GRIK1: variants seen among roughly 807,000 people sequenced by gnomAD.
GRIK1 encodes the protein glutamate receptor ionotropic, kainate 1.
GRIK1 carries 69 observed loss-of-function variants against 105.7 expected under a neutral mutation model. That is an observed-to-expected ratio of 0.65 (90% CI 0.54 to 0.80). The LOEUF (loss-of-function observed/expected upper bound fraction) is 0.80, where lower values mean the gene tolerates loss of function less well. Among genes scored for constraint, GRIK1 ranks in the 30% least tolerant of loss-of-function variants. The pLI is 0.00. For missense variants in GRIK1, 1,109 were observed against 1,167.3 expected, an observed-to-expected ratio of 0.95 and a Z score of 0.73; for synonymous variants, 438 against 431.3, an observed-to-expected ratio of 1.02 and a Z score of -0.19.
intron 1 of GRIK1, among the ~76,000 whole-genome samples, chr21:29,787,146 G>A (rs1428934959): frequency 5.9e-5 from 9 of 152,164 alleles, no homozygotes; most frequent in Admixed American, 4.6e-4. Flanking sequence ...AGGCAAATTC[G>A]CTGTTCAAAT....
At chr21:29,913,036 A>G (rs2070873227) in intron 1 of GRIK1, among the ~76,000 whole-genome samples, 1 of 152,130 alleles carries the variant, frequency 6.6e-6, no homozygotes, top group Non-Finnish European at 1.5e-5. Flanking sequence ...GGTGTTTAAT[A>G]AGATATTTTT....
In GRIK1 at chr21:29,766,328, G is replaced by T. The variant is rs115481354; in HGVS notation, c.119-72265C>A. On this transcript the variant is annotated intron_variant, in intron 1 of 17. Transcript: ENST00000327783. ...TTTGGCATTATCTGAAGACATTTTTGATTGTTACGATTGAGTAGGTGCTAC... is the reference window on the plus strand; with the variant it reads ...TTTGGCATTATCTGAAGACATTTTTTATTGTTACGATTGAGTAGGTGCTAC... 1.7e-3 allele frequency among the ~76,000 whole-genome samples: 263 copies of T among 152,254 alleles called. 1 individual carries two copies. Among genetic ancestry groups the T allele is most frequent in the African/African-American group, 6.3e-3 (260 of 41,536 alleles).
intron 1 of GRIK1, among the ~76,000 whole-genome samples, chr21:29,695,960 G>A (rs530007696): frequency 2.6e-5 from 4 of 152,158 alleles, no homozygotes; most frequent in East Asian, 1.9e-4. Context: ...CATCATGCGC[G>A]TCATTTATGT....
chr21:29,904,641 G>A (rs1305938484), intron 1 of GRIK1, among the ~76,000 whole-genome samples: 1 of 152,096 alleles, frequency 6.6e-6, no homozygotes, highest in Admixed American at 6.5e-5. Context: ...TCTTTTTATC[G>A]ATCAGCTGTT....
chr21:29,673,863 A>G (rs1190511764), intron 3 of GRIK1, among the ~76,000 whole-genome samples: 1 of 152,230 alleles, frequency 6.6e-6, no homozygotes, highest in African/African-American at 2.4e-5. Context: ...ATATACGTCC[A>G]ACTAACTTGA....
rs557465515 is a variant in GRIK1, at chr21:29,622,480, G to A, written c.1098+20346C>T. 1.6e-4 allele frequency among the ~76,000 whole-genome samples: 24 copies of A among 152,208 alleles called. No individual in the cohort carries two copies. In the South Asian group the frequency reaches 5.0e-3, roughly 32 times the overall value. ...TGTCAAATTCTCCTCCACCAGCTTG[G>A]TACATTCATGCCCTAGCTACAGGCA... On this transcript the variant is annotated intron_variant, in intron 7 of 17. Transcript: ENST00000327783.
intron 1 of GRIK1, among the ~76,000 whole-genome samples, chr21:29,733,081 GC>G (rs1311722796): frequency 3.5e-4 from 53 of 152,238 alleles, no homozygotes; most frequent in African/African-American, 1.2e-3. Flanking sequence ...TGAGGGAGAT[GC>G]TTTTGCAGTG....
intron 3 of GRIK1, among the ~76,000 whole-genome samples, chr21:29,678,211 C>T (rs190503038): frequency 4.4e-4 from 67 of 152,216 alleles, no homozygotes; most frequent in African/African-American, 1.6e-3. Context: ...AAATCTAATA[C>T]GATTCTTAAG....
intron 1 of GRIK1, among the ~76,000 whole-genome samples, chr21:29,934,989 G>A (rs2071699386): frequency 6.6e-6 from 1 of 152,062 alleles, no homozygotes; most frequent in Non-Finnish European, 1.5e-5. Context: ...GCACCCATTG[G>A]AGTTTTCAAG....
chr21:29,799,130 A>T (rs942085350), intron 1 of GRIK1, among the ~76,000 whole-genome samples: 1 of 152,168 alleles, frequency 6.6e-6, no homozygotes, highest in Non-Finnish European at 1.5e-5. Flanking sequence ...CCTTTTCCTC[A>T]TATCAGTTAC....
At chr21:29,845,602 A>G (rs1410133163) in intron 1 of GRIK1, among the ~76,000 whole-genome samples, 1 of 151,934 alleles carries the variant, frequency 6.6e-6, no homozygotes, top group Admixed American at 6.6e-5. Flanking sequence ...TTCTTCCTTC[A>G]GGAAACCATC....
At chr21:29,772,016 G>A (rs1412491611) in intron 1 of GRIK1, among the ~76,000 whole-genome samples, 2 of 152,222 alleles carry the variant, frequency 1.3e-5, no homozygotes, top group Non-Finnish European at 2.9e-5. Flanking sequence ...CATTCCTGGA[G>A]TTATGATACC....
intron 1 of GRIK1, among the ~76,000 whole-genome samples, chr21:29,935,882 C>G (rs1321101540): frequency 1.3e-5 from 2 of 152,028 alleles, no homozygotes; most frequent in Non-Finnish European, 2.9e-5. Flanking sequence ...AAAGATACAC[C>G]AATCAACTGT....
At chr21:29,873,957 G>T (rs2069105696) in intron 1 of GRIK1, among the ~76,000 whole-genome samples, 2 of 152,134 alleles carry the variant, frequency 1.3e-5, no homozygotes, top group South Asian at 4.1e-4. Flanking sequence ...CTCGTGAGGG[G>T]CGCACAACCC....
intron 2 of GRIK1, among the ~76,000 whole-genome samples, chr21:29,690,989 A>G (rs777077447): frequency 3.2e-4 from 49 of 152,152 alleles, no homozygotes; most frequent in Non-Finnish European, 8.8e-5. Context: ...AGAATAGACC[A>G]TTTCATAGGT....
chr21:29,788,506 T>C (rs550298793), intron 1 of GRIK1, among the ~76,000 whole-genome samples: 14 of 152,296 alleles, frequency 9.2e-5, no homozygotes, highest in South Asian at 2.1e-4. Context: ...TATAGACCAA[T>C]GGTCCCCAGC....
intron 15 of GRIK1, among the ~76,000 whole-genome samples, chr21:29,555,814 C>G (rs1285637714): frequency 6.6e-6 from 1 of 152,140 alleles, no homozygotes; most frequent in African/African-American, 2.4e-5. Context: ...CCATGCCAGA[C>G]AAGGGTTAAG....
chr21:29,747,220 A>G (rs1601590399), intron 1 of GRIK1, among the ~76,000 whole-genome samples: 1 of 152,222 alleles, frequency 6.6e-6, no homozygotes, highest in South Asian at 2.1e-4. Context: ...AAGAAAGAAT[A>G]TAGTCTCAAC....
At chr21:29,591,849 G>T (rs2061338309) in intron 9 of GRIK1, among the ~76,000 whole-genome samples, 1 of 151,990 alleles carries the variant, frequency 6.6e-6, no homozygotes, top group Non-Finnish European at 1.5e-5. Context: ...AGGTGTTCAA[G>T]GCCAGCCTGG....
Sources: allele counts gnomAD v4.1 joint callset (sites outside exome capture counted in the v4.1 genomes callset), GRCh38; gene constraint gnomAD v4.1.1; transcripts MANE v1.5; gene names NCBI Gene and HGNC (gene_info 2026-07-23, HGNC 2026-07-21).